Variants in DNASE1 observed in about 807,000 individuals in gnomAD.
DNASE1 encodes the protein deoxyribonuclease-1.
Under a neutral mutation model 33.9 loss-of-function variants are expected in DNASE1, and 40 were observed. The observed-to-expected ratio is 1.18, with a 90% CI of 0.92 to 1.54. The LOEUF is 1.54. Ranked by LOEUF, DNASE1 falls within the 40% of genes most tolerant of loss-of-function variation. DNASE1 has a pLI of 0.00. For synonymous variants in DNASE1, 216 were observed against 160.0 expected (o/e 1.35, Z -2.64); for missense variants, 518 against 372.6 (o/e 1.39, Z -3.21).
Position 3,656,912 on chromosome 16 carries a change from G to A in DNASE1, c.437-87G>A, listed in dbSNP as rs2042689072. ...TTGGAAAATATCCACCCCCCGGGGGGACTGTCATGATACATAGTTCCAGCT... is the reference window on the plus strand; with the variant it reads ...TTGGAAAATATCCACCCCCCGGGGGAACTGTCATGATACATAGTTCCAGCT... On this transcript the variant is annotated intron_variant, in intron 5 of 8. Coordinates refer to ENST00000246949, the MANE Select transcript of DNASE1 (RefSeq NM_005223.4). 3.8e-6 allele frequency: 6 copies of A among 1,560,990 alleles called. No individual in the cohort carries two copies. In the South Asian group the frequency reaches 5.8e-5, roughly 15 times the overall value.
downstream of DNASE1, chr16:3,658,433 T>C (rs944235345): frequency 6.7e-6 from 4 of 601,148 alleles, no homozygotes; most frequent in Non-Finnish European, 1.2e-5. Context: ...TTTCCGTTTT[T>C]AAAACAGAAT....
At chr16:3,660,065 C>G (rs1311497899), downstream of DNASE1, 1 of 152,242 alleles carries the variant, frequency 6.6e-6, no homozygotes, top group Non-Finnish European at 1.5e-5. Context: ...CCTCACATTT[C>G]TAGTCTACGT....
downstream of DNASE1, chr16:3,662,881 C>T (rs1393808232): frequency 6.2e-7 from 1 of 1,613,612 alleles, no homozygotes; most frequent in South Asian, 1.1e-5. Context: ...GAAAGCCTCA[C>T]CTTCACGTTG....
intron 1 of DNASE1, among the ~76,000 whole-genome samples, chr16:3,617,326 CAAAAAAAAAAAAAAA>C (rs56670885): frequency 0.38 from 22,063 of 57,898 alleles, 2,490 homozygotes; most frequent in South Asian, 0.55. Flanking sequence ...AACTCCATCT[CAAAAAAAAAAAAAAA>C]AAAAAAAAAA....
chr16:3,634,260 G>A (rs989918622), intron 1 of DNASE1, among the ~76,000 whole-genome samples: 7 of 151,720 alleles, frequency 4.6e-5, no homozygotes, highest in African/African-American at 1.5e-4. Context: ...ACAGAGTTTC[G>A]CTCTGTCACC....
chr16:3,632,657 C>T (rs1207794999), intron 1 of DNASE1, among the ~76,000 whole-genome samples: 2 of 151,696 alleles, frequency 1.3e-5, no homozygotes, highest in Admixed American at 1.3e-4. Context: ...TTGATCTCAG[C>T]TCCCTGCAAC....
downstream of DNASE1, chr16:3,658,674 A>G: frequency 1.0e-6 from 1 of 983,302 alleles, no homozygotes. Context: ...TCCATCTCAA[A>G]AAACAAACAA....
chr16:3,627,961 A>AT (rs1441260011), intron 1 of DNASE1, among the ~76,000 whole-genome samples: 2 of 146,398 alleles, frequency 1.4e-5, no homozygotes, highest in Admixed American at 6.9e-5. Flanking sequence ...AAAAAAAAAA[A>AT]GTCATTGGGA....
At chr16:3,615,792 C>G (rs974384120) in intron 1 of DNASE1, among the ~76,000 whole-genome samples, 1 of 152,156 alleles carries the variant, frequency 6.6e-6, no homozygotes, top group African/African-American at 2.4e-5. Flanking sequence ...ACGTCCTTAC[C>G]CTCCTGGAAT....
At chr16:3,613,908 A>ATTTTTTTTTT (rs200976238) in intron 1 of DNASE1, among the ~76,000 whole-genome samples, 17 of 113,148 alleles carry the variant, frequency 1.5e-4, no homozygotes, top group African/African-American at 6.4e-4. Flanking sequence ...CGCCTGGCTA[A>ATTTTTTTTTT]TTTTTTTTTT....
At chr16:3,639,678 A>G (rs2041975598), upstream of DNASE1, among the ~76,000 whole-genome samples, 3 of 152,222 alleles carry the variant, frequency 2.0e-5, no homozygotes, top group South Asian at 6.2e-4. Context: ...TCCCTTGTTT[A>G]AGCTACCATG....
At chr16:3,619,606 C>G (rs1284032451) in intron 1 of DNASE1, among the ~76,000 whole-genome samples, 1 of 151,770 alleles carries the variant, frequency 6.6e-6, no homozygotes, top group Non-Finnish European at 1.5e-5. Flanking sequence ...TGTGATCTGC[C>G]CACCTCGGCC....
At chr16:3,632,178 G>A (rs563943227) in intron 1 of DNASE1, among the ~76,000 whole-genome samples, 2 of 152,320 alleles carry the variant, frequency 1.3e-5, no homozygotes, top group East Asian at 3.9e-4. Context: ...TTAGAGGAAT[G>A]TGTATCCTGC....
chr16:3,664,539 C>T (rs969877809), exon 10 of DNASE1: 34 of 1,448,816 alleles, frequency 2.3e-5, no homozygotes, highest in East Asian at 2.3e-4. Flanking sequence ...GCAAACCCTC[C>T]GATGCCCATG....
chr16:3,655,577 T>G (rs1057476991), intron 2 of DNASE1, 57 bp downstream of exon 2: 1 of 1,610,798 alleles, frequency 6.2e-7, no homozygotes, highest in Non-Finnish European at 8.5e-7. Flanking sequence ...CTAGGGCTGG[T>G]GGGCAGGGCC....
At chr16:3,659,122 G>A (rs1164956648), downstream of DNASE1, 3 of 417,416 alleles carry the variant, frequency 7.2e-6, no homozygotes, top group African/African-American at 4.1e-5. Context: ...GGGACAAAAG[G>A]AGCTTAGTAC....
intron 1 of DNASE1, among the ~76,000 whole-genome samples, chr16:3,649,207 C>T (rs781646879): frequency 2.6e-5 from 4 of 152,190 alleles, no homozygotes; most frequent in Admixed American, 6.5e-5. Context: ...AGATTAGGGA[C>T]GGCAAAATGG....
upstream of DNASE1, chr16:3,653,398 G>A (rs1422621989): frequency 6.6e-6 from 1 of 152,228 alleles, no homozygotes; most frequent in African/African-American, 2.4e-5. Context: ...GAATACGAAT[G>A]GAAAGTCAAA....
At chr16:3,627,497 G>C (rs1332805483) in intron 1 of DNASE1, among the ~76,000 whole-genome samples, 1 of 151,858 alleles carries the variant, frequency 6.6e-6, no homozygotes, top group Non-Finnish European at 1.5e-5. Flanking sequence ...GGCCCGTCTG[G>C]AACTCCTGGG....
Sources: gnomAD v4.1 joint callset for allele counts (sites outside exome capture counted in the v4.1 genomes callset) on GRCh38, gnomAD v4.1.1 for gene constraint, MANE v1.5 for transcripts, NCBI Gene and HGNC (gene_info 2026-07-23, HGNC 2026-07-21) for gene names.